ATXN1: variants seen among roughly 807,000 people sequenced by gnomAD.
ATXN1 encodes ataxin-1.
In ATXN1, 8 loss-of-function variants were observed where a neutral mutation model predicts 56.4. That is an observed-to-expected ratio of 0.14 (90% CI 0.08 to 0.26). ATXN1 has a LOEUF of 0.26. Among genes scored for constraint, ATXN1 ranks in the 10% least tolerant of loss-of-function variants. The pLI, the probability that ATXN1 is intolerant of heterozygous loss-of-function variation, is 1.00. For synonymous variants in ATXN1, 514 were observed against 494.6 expected, an observed-to-expected ratio of 1.04 and a Z score of -0.52; for missense variants, 987 against 1,106.5, an observed-to-expected ratio of 0.89 and a Z score of 1.53.
chr6:16,612,204 A>G (rs1205520807), intron 3 of ATXN1, among the ~76,000 whole-genome samples: 1 of 152,132 alleles, frequency 6.6e-6, no homozygotes, highest in Non-Finnish European at 1.5e-5. Flanking sequence ...GGATAAAATC[A>G]TAAATATGGC....
chr6:16,707,399 C>T (rs1043613927), intron 2 of ATXN1, among the ~76,000 whole-genome samples: 3 of 152,136 alleles, frequency 2.0e-5, no homozygotes, highest in African/African-American at 2.4e-5. Context: ...CAAATCCTCC[C>T]GGTTGTTCCA....
chr6:16,562,480 G>C (rs1762140357), intron 4 of ATXN1, among the ~76,000 whole-genome samples: 2 of 144,610 alleles, frequency 1.4e-5, no homozygotes, highest in African/African-American at 2.6e-5. Context: ...GGAGAGGAGA[G>C]GAGAGGAAAG....
intron 2 of ATXN1, among the ~76,000 whole-genome samples, chr6:16,716,797 A>G (rs1271102079): frequency 6.6e-6 from 1 of 152,202 alleles, no homozygotes; most frequent in Non-Finnish European, 1.5e-5. Flanking sequence ...TTTATTTACA[A>G]GAACAGGCTG....
chr6:16,625,000 A>G (rs542454481), intron 3 of ATXN1, among the ~76,000 whole-genome samples: 1 of 152,330 alleles, frequency 6.6e-6, no homozygotes, highest in Non-Finnish European at 1.5e-5. Flanking sequence ...GAACAGCCTA[A>G]GGTTCGGAGG....
intron 6 of ATXN1, among the ~76,000 whole-genome samples, chr6:16,462,602 C>T (rs1760021766): frequency 2.0e-5 from 3 of 152,106 alleles, no homozygotes; most frequent in Admixed American, 2.0e-4. Flanking sequence ...AAATCCTAAT[C>T]ACATCAACCT....
chr6:16,690,885 G>T (rs914947384), intron 2 of ATXN1, among the ~76,000 whole-genome samples: 1 of 152,122 alleles, frequency 6.6e-6, no homozygotes, highest in Admixed American at 6.6e-5. Context: ...AACACAACCT[G>T]TGCCTCCTGT....
At position 16,506,679 on chromosome 6, in the gene ATXN1, A is replaced by G. The variant is rs1760986900; in HGVS notation, c.-299+15948T>C. 6.6e-6 allele frequency among the ~76,000 whole-genome samples: 1 copy of G among 152,220 alleles called. No homozygotes were observed. Among genetic ancestry groups the G allele is most frequent in the Non-Finnish European group, 1.5e-5 (1 of 68,034 alleles). On this transcript the variant is annotated intron_variant, in intron 5 of 7. Coordinates refer to ENST00000436367, the MANE Select transcript of ATXN1 (RefSeq NM_001128164.2). The surrounding 1 kb of genome is among the most constrained non-coding windows in gnomAD (Gnocchi z 4.1). ...TTCCCAGGTCAAAGATGTGAAATGA[A>G]CATTATCATTATTTGTTTCAGTGGA... is the stretch of plus-strand genomic sequence containing the variant.
chr6:16,570,779 A>G (rs1581852010), intron 4 of ATXN1, among the ~76,000 whole-genome samples: 1 of 152,224 alleles, frequency 6.6e-6, no homozygotes, highest in African/African-American at 2.4e-5. Context: ...TAGAGGGTAC[A>G]ATAAAAACTA....
intron 6 of ATXN1, among the ~76,000 whole-genome samples, chr6:16,418,538 C>T (rs992993900): frequency 2.0e-5 from 3 of 152,094 alleles, no homozygotes; most frequent in Non-Finnish European, 2.9e-5. Flanking sequence ...TCTGACCATG[C>T]AATACTCCTT....
chr6:16,310,585 C>T (rs1047575942), intron 7 of ATXN1, among the ~76,000 whole-genome samples: 3 of 152,134 alleles, frequency 2.0e-5, no homozygotes, highest in African/African-American at 7.2e-5. Context: ...CGGGTTCAAG[C>T]GAGTCTCCTG....
chr6:16,542,099 C>T (rs992989497), intron 4 of ATXN1, among the ~76,000 whole-genome samples: 18 of 151,556 alleles, frequency 1.2e-4, no homozygotes, highest in Admixed American at 9.9e-4. Context: ...TGCTTTAAGG[C>T]GCTATAAGGC....
chr6:16,521,733 T>G (rs1761294633), intron 5 of ATXN1, among the ~76,000 whole-genome samples: 1 of 152,212 alleles, frequency 6.6e-6, no homozygotes, highest in Non-Finnish European at 1.5e-5. Context: ...AGGTGTACCA[T>G]GACTTCTAGC....
At chr6:16,681,072 C>G (rs1758803254) in intron 2 of ATXN1, among the ~76,000 whole-genome samples, 1 of 152,144 alleles carries the variant, frequency 6.6e-6, no homozygotes, top group Non-Finnish European at 1.5e-5. Context: ...CTAATCAATT[C>G]CAAAGGAAGG....
chr6:16,591,240 A>C (rs1334083193), intron 3 of ATXN1, among the ~76,000 whole-genome samples: 2 of 152,172 alleles, frequency 1.3e-5, no homozygotes, highest in East Asian at 1.9e-4. Flanking sequence ...TACAGGTGTG[A>C]GCCACAGTGC....
chr6:16,631,474 G>A (rs1207835229), intron 3 of ATXN1, among the ~76,000 whole-genome samples: 1 of 152,108 alleles, frequency 6.6e-6, no homozygotes, highest in African/African-American at 2.4e-5. Flanking sequence ...CTCTTGATAT[G>A]GTGCAAAGCA....
chr6:16,577,303 C>T (rs1250711823), intron 4 of ATXN1, among the ~76,000 whole-genome samples: 3 of 152,098 alleles, frequency 2.0e-5, no homozygotes, highest in African/African-American at 7.2e-5. Context: ...GAGGGTGGAT[C>T]ACCTGAGGCC....
chr6:16,311,236 GA>G (rs1479286300), intron 7 of ATXN1, among the ~76,000 whole-genome samples: 1 of 152,112 alleles, frequency 6.6e-6, no homozygotes, highest in Non-Finnish European at 1.5e-5. Context: ...TAAATTTTAC[GA>G]ATAGTCACAG....
chr6:16,618,777 T>C (rs1363447904), intron 3 of ATXN1, among the ~76,000 whole-genome samples: 1 of 151,360 alleles, frequency 6.6e-6, no homozygotes, highest in Non-Finnish European at 1.5e-5. Context: ...AAAACACTTT[T>C]TGAAAATTAT....
In ATXN1 at chr6:16,581,283, T is replaced by A. The variant is rs576404073; in HGVS notation, c.-361+4497A>T. Among the ~76,000 whole-genome samples the A allele has an allele frequency of 6.7e-5, 10 of 150,024 alleles. No individual in the cohort carries two copies. In the South Asian group the frequency reaches 1.9e-3, roughly 29 times the overall value. ...GGGTGTGTGGATGGGGAGTAGGGGA[T>A]GATATGGGCAACTCAACTGGACATG... On this transcript the variant is annotated intron_variant, in intron 4 of 7. Coordinates refer to ENST00000436367, the MANE Select transcript of ATXN1 (RefSeq NM_001128164.2).
Sources: allele counts gnomAD v4.1 joint callset (sites outside exome capture counted in the v4.1 genomes callset), GRCh38; gene constraint gnomAD v4.1.1; non-coding constraint Gnocchi (gnomAD v3.1); transcripts MANE v1.5; gene names NCBI Gene and HGNC (gene_info 2026-07-23, HGNC 2026-07-21).